The following ABHD10 variants were observed in gnomAD, a reference collection of about 807,000 sequenced individuals.
ABHD10 encodes palmitoyl-protein thioesterase ABHD10, mitochondrial.
A neutral mutation model predicts 33.1 loss-of-function variants in ABHD10; 22 were observed. The ratio of observed to expected loss-of-function variants is 0.66; its 90% CI spans 0.47 to 0.95. ABHD10 has a LOEUF of 0.95. Ranked by LOEUF, ABHD10 falls within the 40% of genes least tolerant of loss-of-function variation. ABHD10 has a pLI of 0.00. For synonymous variants in ABHD10, 146 were observed against 133.9 expected, an observed-to-expected ratio of 1.09 and a Z score of -0.62; for missense variants, 352 against 379.9, an observed-to-expected ratio of 0.93 and a Z score of 0.61.
intron 2 of ABHD10, among the ~76,000 whole-genome samples, chr3:111,984,657 C>T (rs2072630948): frequency 6.6e-6 from 1 of 151,890 alleles, no homozygotes; most frequent in Non-Finnish European, 1.5e-5. Flanking sequence ...AAAAAACAGG[C>T]CAAAGCACTA....
chr3:111,979,031 G>T lies in ABHD10; in HGVS notation c.-31G>T. The T allele has an allele frequency of 6.3e-7, 1 of 1,599,064 alleles. No individual in the cohort carries two copies. ...CGTTGCGTAGCGTGTCCCTCAGTGG[G>T]ACACTGCAGGGTGCGGGGACAACTA... On this transcript the variant is annotated 5_prime_UTR_variant, in exon 1 of 5. Transcript: ENST00000273359.
At chr3:111,986,505 G>C in intron 3 of ABHD10, 130 bp downstream of exon 3, 1 of 638,748 alleles carries the variant, frequency 1.6e-6, no homozygotes, top group Non-Finnish European at 2.6e-6. Flanking sequence ...GCGCAATCTT[G>C]GCTCACTGCA....
chr3:111,980,385 C>A (rs2072566961), intron 1 of ABHD10, among the ~76,000 whole-genome samples: 1 of 152,062 alleles, frequency 6.6e-6, no homozygotes, highest in South Asian at 2.1e-4. Context: ...TTTAAAAAAT[C>A]AACTTCTTAA....
Position 111,992,451 on chromosome 3 carries a change from T to G in ABHD10, c.*730T>G, listed in dbSNP as rs2072753664. 6.6e-6 allele frequency: 1 copy of G among 151,970 alleles called. No homozygotes were observed. The highest frequency in any genetic ancestry group is 6.6e-5 in the Admixed American group (1 of 15,242). The allele number at this position is 151,970 out of a possible 1,614,324, so 9.4% of individuals were successfully genotyped here. A position where few individuals can be genotyped will look rare whatever the true frequency, so the allele number is the denominator to read the frequency against. ...AAAGAGGAAATTAATCTTTATATAT[T>G]ATTTCTTGCAGAAACATTCATTATT... is the stretch of plus-strand genomic sequence containing the variant. On this transcript the variant is annotated 3_prime_UTR_variant, in exon 5 of 5. Coordinates refer to ENST00000273359, the MANE Select transcript of ABHD10 (RefSeq NM_018394.4).
chr3:111,983,379 A>G (rs548314352), intron 2 of ABHD10, among the ~76,000 whole-genome samples: 5 of 152,280 alleles, frequency 3.3e-5, no homozygotes, highest in African/African-American at 1.2e-4. Context: ...CAGTTCTAAA[A>G]TTTCAGCTTT....
chr3:111,985,790 C>G (rs1216638937), intron 2 of ABHD10, among the ~76,000 whole-genome samples: 5 of 137,264 alleles, frequency 3.6e-5, no homozygotes, highest in Non-Finnish European at 7.9e-5. Flanking sequence ...CTTCAAGAAG[C>G]AAAGCGAAGA....
At chr3:111,985,007 C>A (rs2107711138) in intron 2 of ABHD10, among the ~76,000 whole-genome samples, 2 of 152,332 alleles carry the variant, frequency 1.3e-5, no homozygotes, top group East Asian at 3.9e-4. Flanking sequence ...TGTTTAAAAA[C>A]AAACTTGATT....
Position 111,979,193 on chromosome 3 carries a change from G to A in ABHD10, c.132G>A (p.Arg44=). The change falls in exon 1 of 5, where the codon CGG becomes CGA. Residue 44 remains arginine (R), a synonymous_variant. Transcript: ENST00000273359. ...CACGGATACCTCAGCGGGCGCCACG[G>A]TGGCTCCCAGGTCAGTGTCCGAAAG... The part of the protein sequence containing the change: ...LLARIPQRAP[R]WLPACRQKTS... 1 of 1,604,172 alleles carries A rather than the reference G, an allele frequency of 6.2e-7. No individual in the cohort carries two copies. Among genetic ancestry groups the A allele is most frequent in the South Asian group, 1.1e-5 (1 of 90,532 alleles).
chr3:111,986,818 T>C lies in ABHD10; in HGVS notation c.439-96T>C, dbSNP rs1051837542. On this transcript the variant is annotated intron_variant, in intron 3 of 4. Transcript: ENST00000273359. ...TGATATTTGATTTAAAATGATTCTA[T>C]TTTTACTTTCTAATTTTTTATTGTA... The C allele has an allele frequency of 6.7e-6, 6 of 891,064 alleles. No homozygotes were observed. The African/African-American group carries it at 1.1e-4, about 16-fold the overall frequency. The allele number at this position is 891,064 out of a possible 1,614,324, so 55.2% of individuals were successfully genotyped here.
chr3:111,979,318 T>C, intron 1 of ABHD10, 115 bp downstream of exon 1: 1 of 1,227,088 alleles, frequency 8.1e-7, no homozygotes. Flanking sequence ...CTCCTCCCCC[T>C]TTCTCAACAC....
chr3:111,984,389 A>G (rs1420950885), intron 2 of ABHD10, among the ~76,000 whole-genome samples: 2 of 152,234 alleles, frequency 1.3e-5, no homozygotes, highest in Non-Finnish European at 2.9e-5. Flanking sequence ...CTGGGAAAGG[A>G]TATCAGTAAA....
rs1177829150 is a variant in ABHD10, at chr3:111,991,934, A to C, written c.*213A>C. ...AATTTTCTCCTTCCTTCTGTCCTTG[A>C]TTTTTTTTCATTAAAGTATTTCCTT... On this transcript the variant is annotated 3_prime_UTR_variant, in exon 5 of 5. Coordinates refer to ENST00000273359, the MANE Select transcript of ABHD10 (RefSeq NM_018394.4). The C allele has an allele frequency of 6.9e-6, 3 of 434,424 alleles. No individual in the cohort carries two copies. The highest frequency in any genetic ancestry group is 1.2e-5 in the Non-Finnish European group (3 of 250,300). The allele number at this position is 434,424 out of a possible 1,614,324, so 26.9% of individuals were successfully genotyped here. A position where few individuals can be genotyped will look rare whatever the true frequency, so the allele number is the denominator to read the frequency against.
intron 3 of ABHD10, 41 bp from the exon 4 acceptor site, chr3:111,986,873 C>T (rs1306832146): frequency 1.3e-6 from 2 of 1,485,680 alleles, no homozygotes; most frequent in Non-Finnish European, 1.8e-6. Context: ...ATAACCTGTT[C>T]TATCTTAAAG....
chr3:111,987,183 C>T, intron 4 of ABHD10, 132 bp downstream of exon 4: 4 of 902,700 alleles, frequency 4.4e-6, no homozygotes, highest in Non-Finnish European at 6.6e-6. Context: ...CAACTTTTGT[C>T]TTAGCTGCCT....
Position 111,992,039 on chromosome 3 carries a change from G to T in ABHD10, c.*318G>T, listed in dbSNP as rs1190047044. On this transcript the variant is annotated 3_prime_UTR_variant, in exon 5 of 5. Coordinates refer to ENST00000273359, the MANE Select transcript of ABHD10 (RefSeq NM_018394.4). The stretch of plus-strand genomic sequence containing the variant: ...CTTAATTGCATCCTTTTCTAATTAG[G>T]ATTATTAATAAAGCGTGAATATTTT... 5.5e-6 allele frequency: 1 copy of T among 181,204 alleles called. No homozygotes were observed. The allele number at this position is 181,204 out of a possible 1,614,324, so 11.2% of individuals were successfully genotyped here.
chr3:111,989,611 T>C (rs1394055866), intron 4 of ABHD10, among the ~76,000 whole-genome samples: 1 of 152,220 alleles, frequency 6.6e-6, no homozygotes, highest in Non-Finnish European at 1.5e-5. Flanking sequence ...TTCTATCTGC[T>C]GAAGTATTTA....
chr3:111,991,157 T>G (rs2072734800), intron 4 of ABHD10, among the ~76,000 whole-genome samples: 2 of 152,140 alleles, frequency 1.3e-5, no homozygotes, highest in South Asian at 4.1e-4. Flanking sequence ...AAAAATAGAA[T>G]AATAACAGAA....
chr3:111,981,941 CA>C lies in ABHD10; in HGVS notation c.303del (p.Lys101AsnfsTer3). ...AAGCGTTGGCGATTGAGGAGTTTTGCAAATCTCTAGGTCACGCCTGCATAAG... is the reference window on the plus strand; with the variant it reads ...AAGCGTTGGCGATTGAGGAGTTTTGCAATCTCTAGGTCACGCCTGCATAAG... Reference protein sequence around the residue: ...TKALAIEEFCKSLGHACIRFD... With the variant: ...TKALAIEEFCXSLGHACIRFD... On this transcript the variant is annotated frameshift_variant, in exon 2 of 5. Transcript: ENST00000273359. LOFTEE classifies it high-confidence loss of function. 6.4e-7 allele frequency: 1 copy of C among 1,574,470 alleles called. No individual in the cohort carries two copies. The highest frequency in any genetic ancestry group is 1.2e-5 in the South Asian group (1 of 85,954).
chr3:111,991,123 CTAAACCA>C (rs1251195249), intron 4 of ABHD10, among the ~76,000 whole-genome samples: 3 of 152,148 alleles, frequency 2.0e-5, no homozygotes, highest in African/African-American at 4.8e-5. Context: ...TTTCATTTAT[CTAAACCA>C]TAATATCCTC....
Sources: gnomAD v4.1 joint callset for allele counts (sites outside exome capture counted in the v4.1 genomes callset) on GRCh38, gnomAD v4.1.1 for gene constraint, MANE v1.5 for transcripts, NCBI Gene and HGNC (gene_info 2026-07-23, HGNC 2026-07-21) for gene names.